Variants in SEMA5A observed in about 807,000 individuals in gnomAD.
SEMA5A encodes the protein semaphorin 5A, also known as semaphorin-5A.
A neutral mutation model predicts 135.5 loss-of-function variants in SEMA5A; 55 were observed. That is an observed-to-expected ratio of 0.41 (90% CI 0.33 to 0.51). The LOEUF (loss-of-function observed/expected upper bound fraction) is 0.51. Among genes scored for constraint, SEMA5A ranks in the 20% least tolerant of loss-of-function variants. SEMA5A has a pLI of 0.37. For missense variants in SEMA5A, 1,290 were observed against 1,419.9 expected (o/e 0.91, Z 1.47); for synonymous variants, 580 against 546.5 (o/e 1.06, Z -0.85).
chr5:9,122,464 C>T (rs1172550263), intron 14 of SEMA5A, among the ~76,000 whole-genome samples, 192 bp downstream of exon 14: 2 of 152,052 alleles, frequency 1.3e-5, no homozygotes, highest in Non-Finnish European at 2.9e-5. Flanking sequence ...TGTGAATAAG[C>T]GTAGATCTGT....
At position 9,036,598 on chromosome 5, in the gene SEMA5A, G is replaced by T. The variant is rs1735665796; in HGVS notation, c.*6299C>A. The T allele has an allele frequency of 6.6e-6, 1 of 152,324 alleles. No individual in the cohort carries two copies. The highest frequency in any genetic ancestry group is 1.5e-5 in the Non-Finnish European group (1 of 68,032). 9.4% of individuals were successfully genotyped at this position (152,324 alleles called of 1,614,324 possible). A position where few individuals can be genotyped will look rare whatever the true frequency, so the allele number is the denominator to read the frequency against. On this transcript the variant is annotated 3_prime_UTR_variant, in exon 23 of 23. Transcript: ENST00000382496. ...ATTAAAGTGATGTTAGTTTCTAGAA[G>T]GCTAATACTGAAGTCACCTCTCTTC...
intron 1 of SEMA5A, among the ~76,000 whole-genome samples, chr5:9,488,274 T>C (rs1393149579): frequency 6.6e-6 from 1 of 152,180 alleles, no homozygotes; most frequent in East Asian, 1.9e-4. Flanking sequence ...AAAATTGGTC[T>C]AGATTGGCAT....
At chr5:9,537,422 T>C (rs1239568221) in intron 1 of SEMA5A, among the ~76,000 whole-genome samples, 1 of 152,126 alleles carries the variant, frequency 6.6e-6, no homozygotes, top group African/African-American at 2.4e-5. Flanking sequence ...CCACAAAAAG[T>C]ACCTACCTAA....
intron 8 of SEMA5A, among the ~76,000 whole-genome samples, chr5:9,208,948 C>T (rs1746198512): frequency 6.6e-6 from 1 of 152,126 alleles, no homozygotes; most frequent in Admixed American, 6.5e-5. Flanking sequence ...AAAGTTATTG[C>T]TAAGACCCTT....
intron 3 of SEMA5A, among the ~76,000 whole-genome samples, chr5:9,353,089 GAAAGGAAGGAAGGAAAGGA>G (rs1754212543): frequency 7.7e-5 from 1 of 12,992 alleles, no homozygotes; most frequent in African/African-American, 2.3e-4. Flanking sequence ...GAAAGGAAAG[GAAAGGAAGGAAGGAAAGGA>G]AAGGAAAGGA....
intron 2 of SEMA5A, among the ~76,000 whole-genome samples, chr5:9,412,611 G>A (rs1391632219): frequency 2.0e-5 from 2 of 98,750 alleles, no homozygotes; most frequent in African/African-American, 7.5e-5. Context: ...TTTTTTTTTG[G>A]ATTTTGGGAT....
At chr5:9,351,989 T>C (rs138967182) in intron 3 of SEMA5A, among the ~76,000 whole-genome samples, 3 of 151,422 alleles carry the variant, frequency 2.0e-5, no homozygotes, top group South Asian at 2.1e-4. Context: ...AGCCTTGCTA[T>C]AACACTGATT....
intron 5 of SEMA5A, among the ~76,000 whole-genome samples, chr5:9,314,728 G>A (rs920494219): frequency 6.6e-6 from 1 of 152,014 alleles, no homozygotes; most frequent in African/African-American, 2.4e-5. Flanking sequence ...TGAATTGCCA[G>A]CCTTCTCTCT....
At chr5:9,094,304 C>T (rs888625654) in intron 16 of SEMA5A, among the ~76,000 whole-genome samples, 1 of 104,252 alleles carries the variant, frequency 9.6e-6, no homozygotes, top group African/African-American at 6.2e-5. Flanking sequence ...CTTCCACATG[C>T]AAAATTATTT....
chr5:9,406,662 C>A (rs1210219708), intron 2 of SEMA5A, among the ~76,000 whole-genome samples: 1 of 151,818 alleles, frequency 6.6e-6, no homozygotes, highest in Non-Finnish European at 1.5e-5. Flanking sequence ...TAACTCAAAT[C>A]CAAATTAGAA....
chr5:9,278,353 T>C (rs1422410226), intron 5 of SEMA5A, among the ~76,000 whole-genome samples: 1 of 152,178 alleles, frequency 6.6e-6, no homozygotes, highest in Non-Finnish European at 1.5e-5. Flanking sequence ...TAAAAGTGTA[T>C]GTTCATATGC....
chr5:9,109,027 A>ATT (rs1305606521), intron 15 of SEMA5A, among the ~76,000 whole-genome samples: 4 of 118,928 alleles, frequency 3.4e-5, no homozygotes, highest in Admixed American at 1.9e-4. Flanking sequence ...ATTTCTCTTC[A>ATT]ATTTTTTTTT....
At chr5:9,482,675 A>G (rs1759920281) in intron 1 of SEMA5A, among the ~76,000 whole-genome samples, 1 of 152,186 alleles carries the variant, frequency 6.6e-6, no homozygotes, top group Admixed American at 6.5e-5. Flanking sequence ...TACTATCACA[A>G]TGTCACTGAA....
At chr5:9,094,568 T>G (rs1429387822) in intron 16 of SEMA5A, among the ~76,000 whole-genome samples, 1 of 152,230 alleles carries the variant, frequency 6.6e-6, no homozygotes, top group Non-Finnish European at 1.5e-5. Flanking sequence ...TCTGCCATTT[T>G]GTATCTCTCT....
chr5:9,319,900 C>A (rs1175851024), intron 4 of SEMA5A, among the ~76,000 whole-genome samples: 2 of 152,180 alleles, frequency 1.3e-5, no homozygotes, highest in South Asian at 4.2e-4. Context: ...GCCAAAGAGG[C>A]CCAAGGGCAT....
chr5:9,211,541 T>C (rs1014530873), intron 8 of SEMA5A, among the ~76,000 whole-genome samples: 1 of 152,094 alleles, frequency 6.6e-6, no homozygotes, highest in Admixed American at 6.5e-5. Context: ...GCTCTCACTG[T>C]CCCCAGGTTG....
chr5:9,498,381 A>G (rs1395790584), intron 1 of SEMA5A: 2 of 152,226 alleles, frequency 1.3e-5, no homozygotes, highest in African/African-American at 4.8e-5. Context: ...CATCCATCGA[A>G]TTCTTTGGAG....
rs1287444762 is a variant in SEMA5A, at chr5:9,305,728, T to TATATATGTATATATATATATA, written c.270+12643_270+12644insTATATATATATATACATATAT. Reference sequence around the variant, plus strand: ...TGTGCGTATATATATATATATATATTTACACGCACACACACACACACACAC... The same window carrying TATATATGTATATATATATATA: ...TGTGCGTATATATATATATATATATTATATATGTATATATATATATATACACGCACACACACACACACACAC... On this transcript the variant is annotated intron_variant, in intron 5 of 22. Coordinates refer to ENST00000382496, the MANE Select transcript of SEMA5A (RefSeq NM_003966.3). Among the ~76,000 whole-genome samples the TATATATGTATATATATATATA allele has an allele frequency of 8.6e-3, 818 of 94,940 alleles. 11 individuals carry two copies. Among genetic ancestry groups the TATATATGTATATATATATATA allele is most frequent in the African/African-American group, 0.03 (755 of 25,268 alleles). The allele number at this position is 94,940 out of a possible 152,430, so 62.3% of individuals were successfully genotyped here.
intron 5 of SEMA5A, among the ~76,000 whole-genome samples, chr5:9,240,519 A>G (rs141745796): frequency 0.013 from 1,918 of 152,068 alleles, 29 homozygotes; most frequent in Middle Eastern, 0.02. Flanking sequence ...TCACTAGGTC[A>G]GCTAGACTTT....
Sources: gnomAD v4.1 joint callset for allele counts (sites outside exome capture counted in the v4.1 genomes callset) on GRCh38, gnomAD v4.1.1 for gene constraint, MANE v1.5 for transcripts, NCBI Gene and HGNC (gene_info 2026-07-23, HGNC 2026-07-21) for gene names.